Variants in FGF14 observed in about 807,000 individuals in gnomAD.
FGF14 encodes fibroblast growth factor homologous factor 4.
A neutral mutation model predicts 25.5 loss-of-function variants in FGF14; 5 were observed. The ratio of observed to expected loss-of-function variants is 0.20; its 90% CI spans 0.10 to 0.41. The LOEUF is 0.41. Ranked by LOEUF, FGF14 falls within the 10% of genes least tolerant of loss-of-function variation. FGF14 has a pLI of 1.00. For synonymous variants in FGF14, 138 were observed against 118.3 expected, an observed-to-expected ratio of 1.17 and a Z score of -1.08; for missense variants, 222 against 320.1, an observed-to-expected ratio of 0.69 and a Z score of 2.34.
chr13:102,089,016 T>C (rs2140236402), intron 1 of FGF14, among the ~76,000 whole-genome samples: 1 of 152,294 alleles, frequency 6.6e-6, no homozygotes, highest in Admixed American at 6.5e-5. Flanking sequence ...TCCTTTCTGG[T>C]TCAACTTTAC....
chr13:101,741,489 C>CA (rs1256036701), intron 3 of FGF14, among the ~76,000 whole-genome samples: 15 of 151,624 alleles, frequency 9.9e-5, no homozygotes, highest in Admixed American at 5.3e-4. Flanking sequence ...AGTAAAAGAC[C>CA]AAAAAAACCC....
At chr13:101,757,233 A>C (rs1329671206) in intron 3 of FGF14, among the ~76,000 whole-genome samples, 3 of 152,146 alleles carry the variant, frequency 2.0e-5, no homozygotes, top group African/African-American at 7.2e-5. Flanking sequence ...TTTCTAAATC[A>C]CCATATAAAA....
At chr13:102,381,106 A>C (rs2058173270) in intron 1 of FGF14, among the ~76,000 whole-genome samples, 1 of 152,206 alleles carries the variant, frequency 6.6e-6, no homozygotes, top group Admixed American at 6.5e-5. Flanking sequence ...AATTTATTGA[A>C]TATTGTACTT....
intron 1 of FGF14, among the ~76,000 whole-genome samples, chr13:102,023,950 G>C (rs578076658): frequency 2.6e-5 from 4 of 152,086 alleles, no homozygotes; most frequent in Admixed American, 1.3e-4. Context: ...CCCACACCAA[G>C]ATATTTTAAT....
intron 1 of FGF14, among the ~76,000 whole-genome samples, chr13:102,101,838 G>A (rs1437032053): frequency 6.6e-6 from 1 of 152,060 alleles, no homozygotes; most frequent in Admixed American, 6.6e-5. Flanking sequence ...CTGAGTAGCT[G>A]GAATTACAGA....
intron 1 of FGF14, among the ~76,000 whole-genome samples, chr13:102,141,330 A>G (rs117336117): frequency 1.3e-5 from 2 of 152,338 alleles, no homozygotes; most frequent in East Asian, 3.9e-4. Context: ...AGCCATTTCT[A>G]TCTGGGCCTT....
chr13:101,727,805 A>C (rs951713002), intron 3 of FGF14, among the ~76,000 whole-genome samples: 3 of 152,118 alleles, frequency 2.0e-5, no homozygotes, highest in Admixed American at 6.6e-5. Context: ...CTAGTTTTAA[A>C]TAGGTCCAAC....
chr13:101,862,500 A>G (rs934743571), intron 3 of FGF14, among the ~76,000 whole-genome samples: 1 of 152,160 alleles, frequency 6.6e-6, no homozygotes, highest in African/African-American at 2.4e-5. Flanking sequence ...CAAATAAAAA[A>G]ATTGGATATT....
intron 1 of FGF14, among the ~76,000 whole-genome samples, chr13:102,158,631 T>C (rs1356514809): frequency 6.6e-6 from 1 of 151,982 alleles, no homozygotes; most frequent in Admixed American, 6.6e-5. Context: ...GTAACAGACC[T>C]GCACATTGTG....
intron 3 of FGF14, among the ~76,000 whole-genome samples, chr13:101,818,712 T>C (rs2041963647): frequency 6.6e-6 from 1 of 152,168 alleles, no homozygotes; most frequent in Non-Finnish European, 1.5e-5. Flanking sequence ...GATACCAAAA[T>C]GGTTTATAAG....
chr13:102,034,760 C>T (rs142854908), intron 1 of FGF14, among the ~76,000 whole-genome samples: 82 of 152,238 alleles, frequency 5.4e-4, no homozygotes, highest in African/African-American at 1.9e-3. Context: ...ATGTTGGTGG[C>T]ATTAGATGAT....
chr13:102,161,348 T>A (rs1271089074), intron 1 of FGF14, among the ~76,000 whole-genome samples: 1 of 152,092 alleles, frequency 6.6e-6, no homozygotes, highest in African/African-American at 2.4e-5. Flanking sequence ...GGAAAAATAA[T>A]CCTGCCGTTC....
intron 3 of FGF14, among the ~76,000 whole-genome samples, chr13:101,809,859 T>C (rs1337432105): frequency 6.6e-6 from 1 of 152,092 alleles, no homozygotes; most frequent in Non-Finnish European, 1.5e-5. Context: ...AGGTTTTTTT[T>C]CCATTATAAT....
At chr13:102,190,380 C>G (rs150890252) in intron 1 of FGF14, among the ~76,000 whole-genome samples, 1 of 152,184 alleles carries the variant, frequency 6.6e-6, no homozygotes, top group Admixed American at 6.5e-5. Context: ...CAGGGGACAT[C>G]TGGTAATGTC....
chr13:101,791,920 C>A (rs7982675), intron 3 of FGF14, among the ~76,000 whole-genome samples: 68,829 of 151,858 alleles, frequency 0.45, 17,409 homozygotes, highest in Non-Finnish European at 0.57. Context: ...TGGCATTAGA[C>A]CCTGAAATTA....
chr13:101,718,083 T>C lies in FGF14; in HGVS notation c.*4748A>G, dbSNP rs959584805. 7.2e-5 allele frequency: 11 copies of C among 152,154 alleles called. No homozygotes were observed. The highest frequency in any genetic ancestry group is 1.9e-4 in the East Asian group (1 of 5,178). The allele number at this position is 152,154 out of a possible 1,614,324, so 9.4% of individuals were successfully genotyped here. ...GGACAAAGATGAAAATATAGTCAGCTCTGTTCTAGTGTTCATTTAGTTAGA... is the reference window on the plus strand; with the variant it reads ...GGACAAAGATGAAAATATAGTCAGCCCTGTTCTAGTGTTCATTTAGTTAGA... On this transcript the variant is annotated 3_prime_UTR_variant, in exon 5 of 5. Transcript: ENST00000376143.
At chr13:102,270,994 C>T (rs1404253566) in intron 1 of FGF14, among the ~76,000 whole-genome samples, 2 of 152,124 alleles carry the variant, frequency 1.3e-5, no homozygotes, top group Non-Finnish European at 2.9e-5. Context: ...AATGCATGAA[C>T]ATTTATACAA....
intron 1 of FGF14, among the ~76,000 whole-genome samples, chr13:102,128,097 G>C (rs2046024588): frequency 6.9e-6 from 1 of 144,484 alleles, no homozygotes; most frequent in Non-Finnish European, 1.6e-5. Context: ...CCACATCCCG[G>C]ATATCCAATC....
chr13:102,086,188 T>A (rs2043887990), intron 1 of FGF14, among the ~76,000 whole-genome samples: 1 of 152,214 alleles, frequency 6.6e-6, no homozygotes, highest in African/African-American at 2.4e-5. Context: ...CTCTCAACTT[T>A]AAATGCAATT....
Sources: allele counts gnomAD v4.1 joint callset (sites outside exome capture counted in the v4.1 genomes callset), GRCh38; gene constraint gnomAD v4.1.1; transcripts MANE v1.5; gene names NCBI Gene and HGNC (gene_info 2026-07-23, HGNC 2026-07-21).